STPG2: variants seen among roughly 807,000 people sequenced by gnomAD.
The protein encoded by STPG2 is sperm tail PG-rich repeat containing 2, also known as sperm-tail PG-rich repeat-containing protein 2.
STPG2 carries 56 observed loss-of-function variants against 54.2 expected under a neutral mutation model. The ratio of observed to expected loss-of-function variants is 1.03; its 90% CI spans 0.83 to 1.29. The LOEUF (loss-of-function observed/expected upper bound fraction) is 1.29, where lower values mean the gene tolerates loss of function less well. Among genes scored for constraint, STPG2 ranks in the 50% most tolerant of loss-of-function variants. The pLI is 0.00. For missense variants in STPG2, 596 were observed against 544.9 expected (o/e 1.09, Z -0.93); for synonymous variants, 200 against 181.8 (o/e 1.10, Z -0.81).
At chr4:97,446,972 A>G (rs1467307026) in intron 4 of STPG2, among the ~76,000 whole-genome samples, 1 of 152,194 alleles carries the variant, frequency 6.6e-6, no homozygotes, top group Non-Finnish European at 1.5e-5. Flanking sequence ...CAGAGGTTGG[A>G]GCAGTTTGGA....
At position 97,482,088 on chromosome 4, in the gene STPG2, T is replaced by C. The variant is rs140980711; in HGVS notation, c.462+230611A>G. Among the ~76,000 whole-genome samples, 9 of 151,750 alleles carry C rather than the reference T, an allele frequency of 5.9e-5. No individual in the cohort carries two copies. In the East Asian group the frequency reaches 1.2e-3, roughly 20 times the overall value. ...TTGGTCTTTTTGGTATCTTTTAAGATAATCATTTTTTTCTTTTTTAATCTA... is the reference window on the plus strand; with the variant it reads ...TTGGTCTTTTTGGTATCTTTTAAGACAATCATTTTTTTCTTTTTTAATCTA... On this transcript the variant is annotated intron_variant, in intron 4 of 4. Transcript: ENST00000522676.
intron 10 of STPG2, among the ~76,000 whole-genome samples, chr4:97,618,785 C>T (rs1452154354): frequency 6.6e-6 from 1 of 152,074 alleles, no homozygotes; most frequent in Non-Finnish European, 1.5e-5. Context: ...GTATTTTATT[C>T]TCTTTTGTTG....
intron 4 of STPG2, among the ~76,000 whole-genome samples, chr4:97,452,427 C>T (rs937994427): frequency 1.3e-5 from 2 of 152,108 alleles, no homozygotes; most frequent in African/African-American, 4.8e-5. Context: ...AAGGCTGGGC[C>T]AGGCTGCCAG....
At chr4:98,077,331 C>T (rs1250962940) in intron 5 of STPG2, among the ~76,000 whole-genome samples, 1 of 152,062 alleles carries the variant, frequency 6.6e-6, no homozygotes, top group African/African-American at 2.4e-5. Context: ...GCAACCTCTG[C>T]CTCCCAGTTC....
At chr4:97,787,822 A>G (rs557648975) in intron 9 of STPG2, among the ~76,000 whole-genome samples, 7 of 151,966 alleles carry the variant, frequency 4.6e-5, no homozygotes, top group Admixed American at 3.3e-4. Flanking sequence ...TAGCTCAGTA[A>G]CTTATGTATC....
intron 5 of STPG2, among the ~76,000 whole-genome samples, chr4:98,075,898 G>A (rs17027204): frequency 0.32 from 47,988 of 152,006 alleles, 7,734 homozygotes; most frequent in Middle Eastern, 0.36. Context: ...ACCCTTGAGG[G>A]CACCTTTAAA....
intron 5 of STPG2, among the ~76,000 whole-genome samples, chr4:98,058,044 C>T (rs1413293848): frequency 6.6e-6 from 1 of 152,122 alleles, no homozygotes; most frequent in African/African-American, 2.4e-5. Context: ...TACAAGAGTA[C>T]CCAAAGGAGC....
At chr4:97,540,613 T>C (rs186544594) in intron 4 of STPG2, among the ~76,000 whole-genome samples, 2,293 of 150,452 alleles carry the variant, frequency 0.015, 56 homozygotes, top group African/African-American at 0.053. Context: ...GAATCCTCCC[T>C]CTTTTATGAG....
chr4:97,512,065 G>A (rs917282440), intron 4 of STPG2, among the ~76,000 whole-genome samples: 7 of 152,004 alleles, frequency 4.6e-5, no homozygotes, highest in African/African-American at 1.7e-4. Context: ...TAAGGAAAAT[G>A]TAAGAAGTTA....
intron 9 of STPG2, 44 bp downstream of exon 9, chr4:97,840,729 T>C (rs771563057): frequency 6.4e-6 from 10 of 1,563,438 alleles, no homozygotes; most frequent in East Asian, 2.3e-5. Flanking sequence ...ATGGAAACCT[T>C]AGAATTTTTT....
chr4:97,639,449 C>T (rs981361850), intron 10 of STPG2, among the ~76,000 whole-genome samples: 3 of 151,218 alleles, frequency 2.0e-5, no homozygotes, highest in Non-Finnish European at 4.4e-5. Flanking sequence ...ACGTATGTAA[C>T]TAACCTGCAC....
intron 9 of STPG2, among the ~76,000 whole-genome samples, chr4:97,727,244 T>C (rs1724653649): frequency 6.6e-6 from 1 of 151,926 alleles, no homozygotes; most frequent in African/African-American, 2.4e-5. Context: ...ATAATGTGTC[T>C]ATCTCATGAT....
At chr4:97,538,098 A>G (rs959956622) in intron 4 of STPG2, among the ~76,000 whole-genome samples, 2 of 152,152 alleles carry the variant, frequency 1.3e-5, no homozygotes, top group African/African-American at 4.8e-5. Context: ...TGGGGAAAAA[A>G]CAAAATACAA....
chr4:98,060,990 T>C (rs777922209), intron 5 of STPG2, among the ~76,000 whole-genome samples: 7 of 152,018 alleles, frequency 4.6e-5, no homozygotes, highest in Non-Finnish European at 1.0e-4. Context: ...GACAATACCA[T>C]CCAGTACATA....
intron 5 of STPG2, among the ~76,000 whole-genome samples, chr4:98,056,437 C>T (rs1189758559): frequency 1.3e-5 from 2 of 152,142 alleles, no homozygotes; most frequent in Non-Finnish European, 2.9e-5. Flanking sequence ...TTTGCTGCAC[C>T]TTGGTGCCCC....
At chr4:97,983,245 A>G (rs912668874) in intron 5 of STPG2, among the ~76,000 whole-genome samples, 1 of 152,184 alleles carries the variant, frequency 6.6e-6, no homozygotes, top group Non-Finnish European at 1.5e-5. Flanking sequence ...TGATTTTTTA[A>G]TAACATTTCC....
intron 10 of STPG2, among the ~76,000 whole-genome samples, chr4:97,562,623 C>T (rs557123894): frequency 1.8e-4 from 27 of 152,204 alleles, no homozygotes; most frequent in African/African-American, 6.3e-4. Context: ...CCCATCAATA[C>T]CTAATTTCTT....
rs184587242 is a variant in STPG2 at position 97,713,277 on chromosome 4, G to A, written c.1205-463C>T. On this transcript the variant is annotated intron_variant, in intron 9 of 10. Transcript: ENST00000295268. ...TGGAATGCACATGGAGCAATCAAATGTAGTAAACAGATGGTTTGCATGGAA... is the reference window on the plus strand; with the variant it reads ...TGGAATGCACATGGAGCAATCAAATATAGTAAACAGATGGTTTGCATGGAA... 1.1e-4 allele frequency among the ~76,000 whole-genome samples: 17 copies of A among 152,258 alleles called. 3 individuals are homozygous for A. Among genetic ancestry groups the A allele is most frequent in the Admixed American group, 1.1e-3 (17 of 15,280 alleles).
intron 8 of STPG2, among the ~76,000 whole-genome samples, chr4:97,903,772 C>CATTG (rs1173840177): frequency 3.3e-5 from 5 of 152,234 alleles, no homozygotes; most frequent in African/African-American, 1.2e-4. Flanking sequence ...CAGGGCGAGA[C>CATTG]ATTGCCTCAC....
Sources: allele counts gnomAD v4.1 joint callset (sites outside exome capture counted in the v4.1 genomes callset), GRCh38; gene constraint gnomAD v4.1.1; transcripts MANE v1.5; gene names NCBI Gene and HGNC (gene_info 2026-07-23, HGNC 2026-07-21).